NPLOC4: variants seen among roughly 807,000 people sequenced by gnomAD.
NPLOC4 encodes the protein nuclear protein localization protein 4 homolog.
In NPLOC4, 18 loss-of-function variants were observed where a neutral mutation model predicts 80.6. The observed-to-expected ratio is 0.22, with a 90% CI of 0.15 to 0.33. The LOEUF is 0.33. Among genes scored for constraint, NPLOC4 ranks in the 10% least tolerant of loss-of-function variants. NPLOC4 has a pLI of 1.00. For missense variants in NPLOC4, 540 were observed against 786.1 expected (o/e 0.69, Z 3.74); for synonymous variants, 313 against 301.5 (o/e 1.04, Z -0.39).
Position 81,572,760 on chromosome 17 carries a change from C to T in NPLOC4, c.1282-672G>A, listed in dbSNP as rs2034195308. Among the ~76,000 whole-genome samples the T allele has an allele frequency of 6.6e-6, 1 of 152,242 alleles. No individual in the cohort carries two copies. Among genetic ancestry groups the T allele is most frequent in the Non-Finnish European group, 1.5e-5 (1 of 68,046 alleles). On this transcript the variant is annotated intron_variant, in intron 12 of 16. Transcript: ENST00000331134. The surrounding 1 kb of genome is among the most constrained non-coding windows in gnomAD (Gnocchi z 4.5). The stretch of plus-strand genomic sequence containing the variant: ...GCGTTCCCCTCAGGTTGGACCTGTG[C>T]CCTGTCTATCCTCCAAAAGCACATG...
At chr17:81,626,993 G>A (rs562779341) in intron 2 of NPLOC4, among the ~76,000 whole-genome samples, 7 of 151,974 alleles carry the variant, frequency 4.6e-5, no homozygotes, top group African/African-American at 1.4e-4. Context: ...GGGAGGCTGA[G>A]GCAACAGAAT....
At chr17:81,608,480 G>A (rs1273415634) in intron 6 of NPLOC4, among the ~76,000 whole-genome samples, 1 of 152,182 alleles carries the variant, frequency 6.6e-6, no homozygotes, top group Non-Finnish European at 1.5e-5. Flanking sequence ...GGAAACCAAG[G>A]CAGGAGGATC....
chr17:81,561,320 TAAC>T (rs1278794666), intron 16 of NPLOC4, among the ~76,000 whole-genome samples: 1 of 152,222 alleles, frequency 6.6e-6, no homozygotes, highest in East Asian at 1.9e-4. Flanking sequence ...TCTGTTTGAT[TAAC>T]AACAGGCAGA....
At chr17:81,569,494 G>A (rs9914834) in intron 13 of NPLOC4, among the ~76,000 whole-genome samples, 21,815 of 152,286 alleles carry the variant, frequency 0.14, 1,868 homozygotes, top group Admixed American at 0.23. Flanking sequence ...GGAAAGGAAC[G>A]GAAGGGCCAG....
chr17:81,601,904 T>C (rs908715592), intron 8 of NPLOC4, among the ~76,000 whole-genome samples: 17 of 152,160 alleles, frequency 1.1e-4, no homozygotes, highest in African/African-American at 4.1e-4. Context: ...CAGACTCTGA[T>C]CAGCAAACTC....
At chr17:81,632,440 G>C (rs1372044101) in intron 1 of NPLOC4, among the ~76,000 whole-genome samples, 1 of 151,664 alleles carries the variant, frequency 6.6e-6, no homozygotes, top group African/African-American at 2.4e-5. Context: ...AGCCTCCTGA[G>C]TATCTGGGAT....
intron 1 of NPLOC4, chr17:81,636,525 T>G: frequency 1.2e-5 from 2 of 173,410 alleles, no homozygotes; most frequent in Non-Finnish European, 2.4e-5. Flanking sequence ...GAGATTAGGA[T>G]AAGAGGTGTC....
chr17:81,589,019 T>C lies in NPLOC4; in HGVS notation c.1206A>G (p.Pro402=), dbSNP rs199544246. ...MALVRDECLL[P]CKDAPELGYA... ...AGCCAAGCTCCGGGGCGTCCTTGCA[T>C]GGCAGCAAACACTCATCACGGACCA... The change falls in exon 12 of 17, where the codon CCA becomes CCG. Residue 402 remains proline (P), a synonymous_variant. Coordinates refer to ENST00000331134, the MANE Select transcript of NPLOC4 (RefSeq NM_017921.4). 7 of 1,613,902 alleles carry C rather than the reference T, an allele frequency of 4.3e-6. No individual in the cohort carries two copies. The highest frequency in any genetic ancestry group is 2.7e-5 in the African/African-American group (2 of 74,944).
At chr17:81,622,129 C>T (rs780756395) in intron 3 of NPLOC4, 37 bp downstream of exon 3, 10 of 1,460,746 alleles carry the variant, frequency 6.8e-6, no homozygotes, top group South Asian at 2.3e-5. Flanking sequence ...GACCTCATTT[C>T]CCCCCATTCC....
rs149495344 is a variant in NPLOC4 at position 81,572,481 on chromosome 17, G to A, written c.1282-393C>T. 0.017 allele frequency among the ~76,000 whole-genome samples: 2,639 copies of A among 152,302 alleles called. 89 individuals are homozygous for A. The highest frequency in any genetic ancestry group is 0.06 in the African/African-American group (2,475 of 41,548). On this transcript the variant is annotated intron_variant, in intron 12 of 16. Coordinates refer to ENST00000331134, the MANE Select transcript of NPLOC4 (RefSeq NM_017921.4). This position sits in a 1 kb window ranked among gnomAD's most constrained non-coding sequence, Gnocchi z 4.5. ...GCTGGGATTACAGGCGTGAGCCACC[G>A]CGTCCGGCCTTCACTTTTTAAATTA...
chr17:81,597,200 T>C, intron 10 of NPLOC4, 45 bp downstream of exon 10: 1 of 1,481,980 alleles, frequency 6.7e-7, no homozygotes, highest in Non-Finnish European at 9.4e-7. Context: ...ACACCATCTG[T>C]AACCAAGCCA....
chr17:81,588,415 C>A (rs933771022), intron 12 of NPLOC4, among the ~76,000 whole-genome samples: 1 of 152,188 alleles, frequency 6.6e-6, no homozygotes, highest in African/African-American at 2.4e-5. Context: ...GCCTGTAGTG[C>A]AGTGGCACAA....
chr17:81,581,811 T>G (rs1432359516), intron 12 of NPLOC4, among the ~76,000 whole-genome samples: 7 of 151,828 alleles, frequency 4.6e-5, no homozygotes, highest in Non-Finnish European at 1.0e-4. Context: ...GGCAGAAGGG[T>G]CGTAGCCTGC....
At chr17:81,612,762 T>C (rs985166784) in intron 4 of NPLOC4, 4 of 152,362 alleles carry the variant, frequency 2.6e-5, no homozygotes, top group African/African-American at 9.7e-5. Context: ...GCACTTCATA[T>C]AGCCCCAGGT....
intron 1 of NPLOC4, among the ~76,000 whole-genome samples, chr17:81,634,632 C>G (rs925969693): frequency 6.7e-6 from 1 of 150,202 alleles, no homozygotes; most frequent in African/African-American, 2.5e-5. Context: ...GTCGCCCAGG[C>G]TGGAGTGCAG....
intron 13 of NPLOC4, among the ~76,000 whole-genome samples, 154 bp downstream of exon 13, chr17:81,571,863 C>G (rs1224322886): frequency 1.3e-5 from 2 of 152,118 alleles, no homozygotes; most frequent in Admixed American, 1.3e-4. Flanking sequence ...ATTCTACAAC[C>G]ACCTCCTGGG....
intron 16 of NPLOC4, 128 bp from the exon 17 acceptor site, chr17:81,559,544 C>T: frequency 1.0e-6 from 1 of 995,644 alleles, no homozygotes; most frequent in Non-Finnish European, 1.5e-6. Context: ...AGTGCTGGTC[C>T]TGCCCACACA....
Position 81,559,464 on chromosome 17 carries a change from A to C in NPLOC4, c.1670-48T>G, listed in dbSNP as rs752060168. On this transcript the variant is annotated intron_variant, in intron 16 of 16. Coordinates refer to ENST00000331134, the MANE Select transcript of NPLOC4 (RefSeq NM_017921.4). ...GCACTCATCATTTCTGGCCCACCAG[A>C]GACTGCCAGAGTGTGGGCATGGGGG... The C allele has an allele frequency of 7.1e-6, 11 of 1,552,808 alleles. No individual in the cohort carries two copies. The East Asian group carries it at 2.6e-4, about 36-fold the overall frequency.
intron 2 of NPLOC4, among the ~76,000 whole-genome samples, chr17:81,627,478 G>A (rs1023681558): frequency 3.3e-5 from 5 of 151,792 alleles, no homozygotes; most frequent in African/African-American, 1.2e-4. Flanking sequence ...AGTGGCTCAC[G>A]CCTGTAACCC....
Sources: gnomAD v4.1 joint callset for allele counts (sites outside exome capture counted in the v4.1 genomes callset) on GRCh38, gnomAD v4.1.1 for gene constraint, Gnocchi (gnomAD v3.1) non-coding constraint, MANE v1.5 for transcripts, NCBI Gene and HGNC (gene_info 2026-07-23, HGNC 2026-07-21) for gene names.